Variants in LRP1B observed in about 807,000 individuals in gnomAD.
The protein encoded by LRP1B is low-density lipoprotein receptor-related protein 1B.
LRP1B carries 217 observed loss-of-function variants against 556.6 expected under a neutral mutation model. The observed-to-expected ratio is 0.39, with a 90% CI of 0.35 to 0.44. The LOEUF is 0.44. LRP1B is among the 20% of genes least tolerant of loss of function. LRP1B has a pLI of 1.00. For synonymous variants in LRP1B, 2,047 were observed against 1,865.8 expected, an observed-to-expected ratio of 1.10 and a Z score of -2.50; for missense variants, 5,053 against 5,620.8, an observed-to-expected ratio of 0.90 and a Z score of 3.23.
At chr2:140,882,463 G>C (rs1300592524) in intron 25 of LRP1B, among the ~76,000 whole-genome samples, 1 of 152,160 alleles carries the variant, frequency 6.6e-6, no homozygotes, top group Non-Finnish European at 1.5e-5. Flanking sequence ...TCAGCTAGTT[G>C]TTACCAAATC....
At chr2:141,076,051 G>A (rs1699777416) in intron 7 of LRP1B, among the ~76,000 whole-genome samples, 1 of 152,190 alleles carries the variant, frequency 6.6e-6, no homozygotes. Flanking sequence ...CTTGCTGTGA[G>A]GGGCAGATGT....
chr2:141,336,127 A>AAAAG (rs1687842051), intron 3 of LRP1B, among the ~76,000 whole-genome samples: 1 of 151,578 alleles, frequency 6.6e-6, no homozygotes, highest in South Asian at 2.1e-4. Context: ...AAAAAAAAAA[A>AAAAG]AAAAGCAAAT....
chr2:140,478,351 G>A (rs1170164471), intron 59 of LRP1B, among the ~76,000 whole-genome samples: 1 of 151,642 alleles, frequency 6.6e-6, no homozygotes, highest in Non-Finnish European at 1.5e-5. Flanking sequence ...GGGTTTCACC[G>A]TGTTAGCCAG....
chr2:141,811,834 T>C (rs1411412141), intron 1 of LRP1B, among the ~76,000 whole-genome samples: 2 of 152,062 alleles, frequency 1.3e-5, no homozygotes, highest in African/African-American at 4.8e-5. Context: ...AAGGATCCAA[T>C]AGACTAGTTG....
Position 141,795,860 on chromosome 2 carries a change from ATATATATATATAT to A in LRP1B, c.205+14406_205+14418del, listed in dbSNP as rs1695788466. Among the ~76,000 whole-genome samples the A allele has an allele frequency of 1.1e-3, 74 of 69,344 alleles. 3 individuals are homozygous for A. Among genetic ancestry groups the A allele is most frequent in the South Asian group, 5.5e-3 (7 of 1,282 alleles). 45.5% of individuals were successfully genotyped at this position (69,344 alleles called of 152,430 possible). A position where few individuals can be genotyped will look rare whatever the true frequency, so the allele number is the denominator to read the frequency against. On this transcript the variant is annotated intron_variant, in intron 2 of 90. Transcript: ENST00000389484. Reference sequence around the variant, plus strand: ...ATAGAGAATGAAAACCAGGAGCAATATATATATATATATATATATATATATATATATATATATA... The same window carrying A: ...ATAGAGAATGAAAACCAGGAGCAATAATATATATATATATATATATATATA...
At chr2:141,730,976 A>G (rs1464163061) in intron 2 of LRP1B, among the ~76,000 whole-genome samples, 1 of 152,158 alleles carries the variant, frequency 6.6e-6, no homozygotes, top group African/African-American at 2.4e-5. Context: ...GAATTACGAA[A>G]CAATAACTTC....
intron 35 of LRP1B, among the ~76,000 whole-genome samples, chr2:140,731,288 C>T (rs1338588745): frequency 6.6e-6 from 1 of 152,114 alleles, no homozygotes; most frequent in Non-Finnish European, 1.5e-5. Flanking sequence ...GATGGGCTCT[C>T]ATTCATCTTG....
intron 3 of LRP1B, among the ~76,000 whole-genome samples, chr2:141,284,754 T>C (rs1685641983): frequency 6.6e-6 from 1 of 152,212 alleles, no homozygotes; most frequent in South Asian, 2.1e-4. Flanking sequence ...TTTGGAACAC[T>C]TGTCAAAAAT....
chr2:140,305,238 A>G (rs1684016043), intron 83 of LRP1B, among the ~76,000 whole-genome samples: 1 of 152,114 alleles, frequency 6.6e-6, no homozygotes, highest in African/African-American at 2.4e-5. Context: ...TCTATAAATT[A>G]CCTTGGGCAG....
intron 2 of LRP1B, among the ~76,000 whole-genome samples, chr2:141,605,867 G>A (rs904923305): frequency 1.9e-4 from 29 of 151,358 alleles, no homozygotes; most frequent in Admixed American, 3.3e-4. Flanking sequence ...TTTTCTTTCC[G>A]TCTTTCTCTC....
chr2:140,971,797 G>A (rs1335532020), intron 18 of LRP1B, among the ~76,000 whole-genome samples: 1 of 152,172 alleles, frequency 6.6e-6, no homozygotes, highest in Non-Finnish European at 1.5e-5. Flanking sequence ...TGGCGCCACT[G>A]CGCTCTAGCC....
chr2:140,255,086 C>T (rs1473840335), intron 86 of LRP1B, among the ~76,000 whole-genome samples: 7 of 152,104 alleles, frequency 4.6e-5, no homozygotes, highest in Admixed American at 4.6e-4. Flanking sequence ...TTAAATCAAG[C>T]TTCAGTATGA....
chr2:140,473,995 T>C (rs2105346176), intron 60 of LRP1B, among the ~76,000 whole-genome samples: 1 of 152,036 alleles, frequency 6.6e-6, no homozygotes, highest in African/African-American at 2.4e-5. Flanking sequence ...TTCACTTAAA[T>C]TGCATCCTGA....
At chr2:140,767,680 G>A (rs957754146) in intron 35 of LRP1B, among the ~76,000 whole-genome samples, 1 of 150,546 alleles carries the variant, frequency 6.6e-6, no homozygotes, top group Admixed American at 6.6e-5. Flanking sequence ...TAAGTTTTAG[G>A]GTACATGTGC....
chr2:140,516,971 A>G lies in LRP1B; in HGVS notation c.8067T>C (p.Cys2689=). Residue 2689 remains cysteine (C), a synonymous_variant, in exon 50 of 91, where the codon TGT becomes TGC. Coordinates refer to ENST00000389484, the MANE Select transcript of LRP1B (RefSeq NM_018557.3). ...TATTCAAAATGCATCTTCCACTAGGACAACTAAAATAATTTTCTTCACATT... is the reference window on the plus strand; with the variant it reads ...TATTCAAAATGCATCTTCCACTAGGGCAACTAAAATAATTTTCTTCACATT... ...KHKCEENYFS[C]PSGRCILNTW... is the part of the protein sequence containing the mutation. The G allele has an allele frequency of 6.2e-7, 1 of 1,600,304 alleles. No homozygotes were observed. The highest frequency in any genetic ancestry group is 8.6e-7 in the Non-Finnish European group (1 of 1,167,574).
intron 43 of LRP1B, among the ~76,000 whole-genome samples, chr2:140,549,830 AGCATCG>A (rs1680480161): frequency 6.6e-6 from 1 of 151,790 alleles, no homozygotes; most frequent in Admixed American, 6.6e-5. Context: ...AGCGGGGCCT[AGCATCG>A]GCTGTAGTGT....
chr2:140,960,278 T>G (rs1695996625), intron 18 of LRP1B, among the ~76,000 whole-genome samples: 1 of 151,834 alleles, frequency 6.6e-6, no homozygotes, highest in Non-Finnish European at 1.5e-5. Context: ...ATAGACAGCT[T>G]TGGTTATTAC....
rs138888694 is a variant in LRP1B at position 141,591,418 on chromosome 2, G to GA, written c.206-110886dup. Among the ~76,000 whole-genome samples, 90 of 145,564 alleles carry GA rather than the reference G, an allele frequency of 6.2e-4. No homozygotes were observed. In the Middle Eastern group the frequency reaches 0.011, roughly 18 times the overall value. The stretch of plus-strand genomic sequence containing the variant: ...GGGCCAAGTGCTGACCAGGCCATAG[G>GA]AAAAAAAAAATCGATTAAAATGTTA... On this transcript the variant is annotated intron_variant, in intron 2 of 90. Transcript: ENST00000389484.
At chr2:141,185,297 A>AT (rs1681191722) in intron 7 of LRP1B, among the ~76,000 whole-genome samples, 2 of 152,094 alleles carry the variant, frequency 1.3e-5, no homozygotes, top group South Asian at 4.1e-4. Context: ...TGACTCCAGC[A>AT]TCAAGTTCAT....
Sources: allele counts gnomAD v4.1 joint callset (sites outside exome capture counted in the v4.1 genomes callset), GRCh38; gene constraint gnomAD v4.1.1; transcripts MANE v1.5; gene names NCBI Gene and HGNC (gene_info 2026-07-23, HGNC 2026-07-21).